EXOSC7: variants seen among roughly 807,000 people sequenced by gnomAD.
The protein encoded by EXOSC7 is exosome complex component RRP42.
EXOSC7 carries 25 observed loss-of-function variants against 34.3 expected under a neutral mutation model. That is an observed-to-expected ratio of 0.73 (90% CI 0.53 to 1.02). EXOSC7 has a LOEUF of 1.02. Ranked by LOEUF, EXOSC7 falls within the 50% of genes least tolerant of loss-of-function variation. The probability of loss-of-function intolerance (pLI) is 0.00; values close to 1 mark genes in which losing one functional copy is unlikely to be tolerated. For synonymous variants in EXOSC7, 130 were observed against 143.0 expected (o/e 0.91, Z 0.65); for missense variants, 370 against 368.5 (o/e 1.00, Z -0.03).
At chr3:44,983,087 A>C (rs796180601) in intron 1 of EXOSC7, among the ~76,000 whole-genome samples, 78 of 152,314 alleles carry the variant, frequency 5.1e-4, no homozygotes, top group African/African-American at 1.6e-3. Flanking sequence ...TTTGAGTCTA[A>C]AGTCCTTCCA....
chr3:44,982,674 A>C (rs971310172), intron 1 of EXOSC7, among the ~76,000 whole-genome samples: 3 of 152,232 alleles, frequency 2.0e-5, no homozygotes, highest in Non-Finnish European at 4.4e-5. Flanking sequence ...GAGATTGAGC[A>C]GTCAGTATTC....
At chr3:44,993,030 A>C (rs1352887865) in intron 3 of EXOSC7, among the ~76,000 whole-genome samples, 2 of 152,134 alleles carry the variant, frequency 1.3e-5, no homozygotes, top group African/African-American at 2.4e-5. Context: ...TGGAGTCACT[A>C]TATCTGGGTT....
At position 44,976,319 on chromosome 3, in the gene EXOSC7, C is replaced by A; in HGVS notation, c.42C>A (p.Ile14=). The A allele has an allele frequency of 1.3e-6, 2 of 1,569,934 alleles. No individual in the cohort carries two copies. The highest frequency in any genetic ancestry group is 1.7e-6 in the Non-Finnish European group (2 of 1,164,024). Residue 14 remains isoleucine (I), a synonymous_variant, in exon 1 of 8, where the codon ATC becomes ATA. Coordinates refer to ENST00000265564, the MANE Select transcript of EXOSC7 (RefSeq NM_015004.4). ...VTLSEAEKVY[I]VHGVQEDLRV... is the part of the protein sequence containing the mutation. ...TGAGCGAGGCGGAGAAGGTGTACAT[C>A]GTGCATGGCGTCCAGGTAGCTACAG...
rs374024896 is a variant in EXOSC7, at chr3:44,976,339, C to T, written c.57+5C>T. On this transcript the variant is annotated splice_donor_5th_base_variant and intron_variant, in intron 1 of 7. Coordinates refer to ENST00000265564, the MANE Select transcript of EXOSC7 (RefSeq NM_015004.4). ...TACATCGTGCATGGCGTCCAGGTAG[C>T]TACAGCAGCGGCGTTGGGTCGGCCG... 1 of 1,569,440 alleles carries T rather than the reference C, an allele frequency of 6.4e-7. No individual in the cohort carries two copies. Among genetic ancestry groups the T allele is most frequent in the Admixed American group, 2.0e-5 (1 of 50,940 alleles).
rs367966311 is a variant in EXOSC7, at chr3:44,990,337, A to G, written c.254+693A>G. ...GTGACTGACTTCCAGTGGGCTTTCAATAAGTGTTATTTCTCCTTATTTTGT... is the reference window on the plus strand; with the variant it reads ...GTGACTGACTTCCAGTGGGCTTTCAGTAAGTGTTATTTCTCCTTATTTTGT... On this transcript the variant is annotated intron_variant, in intron 3 of 7. Transcript: ENST00000265564. 1.2e-4 allele frequency among the ~76,000 whole-genome samples: 18 copies of G among 152,372 alleles called. No individual in the cohort carries two copies. The East Asian group carries it at 2.1e-3, about 18-fold the overall frequency.
intron 6 of EXOSC7, among the ~76,000 whole-genome samples, chr3:45,006,187 TCTGCCTCAGCCTCCCAAA>T (rs1307549268): frequency 6.7e-6 from 1 of 148,176 alleles, no homozygotes; most frequent in Non-Finnish European, 1.5e-5. Flanking sequence ...AAGCAATTCT[TCTGCCTCAGCCTCCCAAA>T]TAGCTGGGAT....
intron 1 of EXOSC7, among the ~76,000 whole-genome samples, chr3:44,979,669 T>C (rs1176346491): frequency 6.6e-6 from 1 of 151,962 alleles, no homozygotes; most frequent in African/African-American, 2.4e-5. Context: ...GTAGAAAAAA[T>C]GTGGTTCCTT....
intron 5 of EXOSC7, among the ~76,000 whole-genome samples, chr3:45,003,346 CGTGCGT>C (rs1276281909): frequency 2.9e-4 from 8 of 27,150 alleles, no homozygotes; most frequent in South Asian, 3.2e-3. Flanking sequence ...TGCGTGCGTG[CGTGCGT>C]GTGTGTGTGT....
At chr3:45,005,237 A>T in intron 5 of EXOSC7, 54 bp from the exon 6 acceptor site, 2 of 1,605,720 alleles carry the variant, frequency 1.2e-6, no homozygotes, top group Non-Finnish European at 1.7e-6. Flanking sequence ...AATCTTAAAA[A>T]GAAGTTATTT....
intron 7 of EXOSC7, 140 bp downstream of exon 7, chr3:45,007,715 G>A (rs538079280): frequency 2.7e-4 from 254 of 951,720 alleles, no homozygotes; most frequent in South Asian, 1.4e-3. Context: ...GCTGGTTTGA[G>A]CCAGGGGTCT....
chr3:44,977,458 G>A (rs775272887), intron 1 of EXOSC7: 1 of 152,184 alleles, frequency 6.6e-6, no homozygotes, highest in African/African-American at 2.4e-5. Context: ...GTGACCTGCC[G>A]TTATCTTCTG....
chr3:45,003,509 G>A (rs1233216304), intron 5 of EXOSC7, among the ~76,000 whole-genome samples: 1 of 152,116 alleles, frequency 6.6e-6, no homozygotes, highest in Non-Finnish European at 1.5e-5. Context: ...CCCCTGATCT[G>A]ATCTAGATGT....
chr3:44,983,528 C>G (rs1706329020), intron 1 of EXOSC7, among the ~76,000 whole-genome samples: 1 of 152,114 alleles, frequency 6.6e-6, no homozygotes, highest in Non-Finnish European at 1.5e-5. Context: ...CTGTTTCCAC[C>G]ACACCACACC....
chr3:44,985,440 C>T (rs1706379545), intron 1 of EXOSC7, among the ~76,000 whole-genome samples: 1 of 151,376 alleles, frequency 6.6e-6, no homozygotes, highest in African/African-American at 2.4e-5. Flanking sequence ...TTCTGATGTT[C>T]AGATGTGCTC....
At chr3:44,995,075 C>T (rs1559746760) in intron 3 of EXOSC7, among the ~76,000 whole-genome samples, 1 of 152,098 alleles carries the variant, frequency 6.6e-6, no homozygotes, top group Non-Finnish European at 1.5e-5. Flanking sequence ...ACCTCTGCCT[C>T]AGGTTCAAGT....
downstream of EXOSC7, among the ~76,000 whole-genome samples, chr3:45,011,926 T>G (rs1697297035): frequency 6.6e-6 from 1 of 152,228 alleles, no homozygotes; most frequent in Non-Finnish European, 1.5e-5. Context: ...TCCTTTCTTA[T>G]CACTCTTGTT....
chr3:44,985,882 G>A (rs1168017166), intron 1 of EXOSC7, among the ~76,000 whole-genome samples: 1 of 152,114 alleles, frequency 6.6e-6, no homozygotes, highest in Admixed American at 6.5e-5. Flanking sequence ...TAGACACAAA[G>A]GTTCTCCACC....
chr3:45,011,251 G>T lies in EXOSC7; in HGVS notation c.788G>T (p.Gly263Val), dbSNP rs1396651010. 6.2e-6 allele frequency: 10 copies of T among 1,611,902 alleles called. No homozygotes were observed. The Admixed American group carries it at 8.4e-5, about 13-fold the overall frequency. Residue 263 changes from glycine to valine, a missense_variant, in exon 8 of 8, where the codon GGC (glycine) becomes GTC (valine). Physicochemically the swap from Gly to Val is moderately radical, Grantham distance 109. Coordinates refer to ENST00000265564, the MANE Select transcript of EXOSC7 (RefSeq NM_015004.4). ...FEMMETGKRV[G>V]KVLHASLQSV... ...TCTCCACAGACTGGCAAGCGTGTGGGCAAGGTACTGCATGCCTCCTTGCAG... is the reference window on the plus strand; with the variant it reads ...TCTCCACAGACTGGCAAGCGTGTGGTCAAGGTACTGCATGCCTCCTTGCAG...
intron 5 of EXOSC7, among the ~76,000 whole-genome samples, chr3:45,003,786 G>A (rs1706951851): frequency 6.6e-6 from 1 of 152,148 alleles, no homozygotes; most frequent in African/African-American, 2.4e-5. Flanking sequence ...ATGATAACCA[G>A]CATCTTAAAA....
Sources: allele counts gnomAD v4.1 joint callset (sites outside exome capture counted in the v4.1 genomes callset), GRCh38; gene constraint gnomAD v4.1.1; transcripts MANE v1.5; gene names NCBI Gene and HGNC (gene_info 2026-07-23, HGNC 2026-07-21).